The following ABHD12 variants were observed in gnomAD, a reference collection of about 807,000 sequenced individuals.
ABHD12 encodes the protein abhydrolase domain containing 12, lysophospholipase, also known as lysophosphatidylserine lipase ABHD12.
ABHD12 carries 43 observed loss-of-function variants against 58.3 expected under a neutral mutation model. The observed-to-expected ratio is 0.74, with a 90% CI of 0.58 to 0.95. The LOEUF is 0.95. ABHD12 is among the 40% of genes least tolerant of loss of function. ABHD12 has a pLI of 0.00. For synonymous variants in ABHD12, 219 were observed against 211.2 expected, an observed-to-expected ratio of 1.04 and a Z score of -0.32; for missense variants, 539 against 537.2, an observed-to-expected ratio of 1.00 and a Z score of -0.03.
In ABHD12 at chr20:25,339,365, G is replaced by A; in HGVS notation, c.192-14C>T. 3 of 1,614,022 alleles carry A rather than the reference G, an allele frequency of 1.9e-6. No homozygotes were observed. The highest frequency in any genetic ancestry group is 1.7e-6 in the Non-Finnish European group (2 of 1,179,974). ...ACGCCCTTTCGCCTGCAAGAGAAAA[G>A]CAATGAATAGGTCAGAAGGCAGTAG... is the stretch of plus-strand genomic sequence containing the variant. On this transcript the variant is annotated splice_polypyrimidine_tract_variant and intron_variant, in intron 1 of 12. Coordinates refer to ENST00000339157, the MANE Select transcript of ABHD12 (RefSeq NM_001042472.3).
downstream of ABHD12, chr20:25,296,325 C>T (rs941913000): frequency 1.2e-6 from 2 of 1,610,096 alleles, no homozygotes; most frequent in Admixed American, 1.7e-5. Context: ...TTAGCAGCCC[C>T]AAGCCCTGTG....
At chr20:25,375,223 A>G (rs1315978907) in intron 1 of ABHD12, among the ~76,000 whole-genome samples, 2 of 152,222 alleles carry the variant, frequency 1.3e-5, no homozygotes, top group Non-Finnish European at 2.9e-5. Flanking sequence ...GGCCTCTGGA[A>G]TCGAGAGAAA....
At chr20:25,366,654 G>A (rs55811293) in intron 1 of ABHD12, among the ~76,000 whole-genome samples, 6,084 of 152,170 alleles carry the variant, frequency 0.04, 202 homozygotes, top group Non-Finnish European at 0.06. Flanking sequence ...TTTCACTCCT[G>A]TTTTCTTCTA....
chr20:25,326,397 T>TG (rs2089178330), intron 2 of ABHD12, among the ~76,000 whole-genome samples: 1 of 152,210 alleles, frequency 6.6e-6, no homozygotes, highest in Admixed American at 6.5e-5. Flanking sequence ...ACAGGGCTCC[T>TG]GACCTGTGGT....
At chr20:25,296,702 T>A (rs200669669), downstream of ABHD12, 67 of 795,818 alleles carry the variant, frequency 8.4e-5, no homozygotes, top group African/African-American at 1.0e-3. Flanking sequence ...AGGAATGTGC[T>A]AGAAGTGCTC....
In ABHD12 at chr20:25,339,341, C is replaced by G. The variant is rs11904930; in HGVS notation, c.202G>C (p.Val68Leu). The G allele has an allele frequency of 1.2e-6, 2 of 1,614,132 alleles. No individual in the cohort carries two copies. The highest frequency in any genetic ancestry group is 1.6e-4 in the Middle Eastern group (1 of 6,062). Residue 68 changes from valine (V) to leucine (L), a missense_variant, in exon 2 of 13, where the codon GTG becomes CTG. Coordinates refer to ENST00000339157, the MANE Select transcript of ABHD12 (RefSeq NM_001042472.3). ...MKRALGRRKG[V>L]WLRLRKILFC... ...AGTATCTTCCTCAGGCGCAACCACA[C>G]GCCCTTTCGCCTGCAAGAGAAAAGC...
In ABHD12 at chr20:25,303,466, G is replaced by A. The variant is rs771327708; in HGVS notation, c.1029+84C>T. 9.5e-6 allele frequency: 15 copies of A among 1,574,058 alleles called. No homozygotes were observed. In the East Asian group the frequency reaches 2.6e-4, roughly 27 times the overall value. On this transcript the variant is annotated intron_variant, in intron 11 of 12. Coordinates refer to ENST00000339157, the MANE Select transcript of ABHD12 (RefSeq NM_001042472.3). ...TGCAGCATGCAGGGGCTGCCTTCCC[G>A]CCTGCCCACTCCCAGCCTGGTCCAC... is the stretch of plus-strand genomic sequence containing the variant.
downstream of ABHD12, chr20:25,297,906 C>T (rs200544904): frequency 7.2e-5 from 11 of 152,324 alleles, no homozygotes; most frequent in Non-Finnish European, 1.5e-5. Context: ...AGGCCATACT[C>T]CCCTAGTTGG....
At chr20:25,344,553 A>G (rs2089494242) in intron 1 of ABHD12, among the ~76,000 whole-genome samples, 1 of 152,234 alleles carries the variant, frequency 6.6e-6, no homozygotes, top group South Asian at 2.1e-4. Flanking sequence ...TTCCATCTTC[A>G]TGGACAGGAA....
At chr20:25,304,750 G>T (rs1378151589) in intron 10 of ABHD12, among the ~76,000 whole-genome samples, 1 of 149,632 alleles carries the variant, frequency 6.7e-6, no homozygotes, top group Non-Finnish European at 1.5e-5. Context: ...TTGTATTTTA[G>T]TAGAGACAGG....
intron 10 of ABHD12, among the ~76,000 whole-genome samples, chr20:25,305,511 A>G (rs569844942): frequency 6.6e-6 from 1 of 151,730 alleles, no homozygotes; most frequent in Admixed American, 6.6e-5. Context: ...TACAGGCACG[A>G]GCCACCACAC....
At chr20:25,319,073 G>A (rs1042042445) in intron 4 of ABHD12, among the ~76,000 whole-genome samples, 1 of 152,200 alleles carries the variant, frequency 6.6e-6, no homozygotes, top group African/African-American at 2.4e-5. Flanking sequence ...ACGGGACCTC[G>A]GCCCTGGCCC....
At chr20:25,318,010 A>G (rs994129313) in intron 4 of ABHD12, among the ~76,000 whole-genome samples, 1 of 152,172 alleles carries the variant, frequency 6.6e-6, no homozygotes, top group African/African-American at 2.4e-5. Context: ...GGAAGCCAAT[A>G]AAGTACAGAA....
At position 25,390,829 on chromosome 20, in the gene ABHD12, C is replaced by T; in HGVS notation, c.-126G>A. 3 of 588,912 alleles carry T rather than the reference C, an allele frequency of 5.1e-6. No homozygotes were observed. The highest frequency in any genetic ancestry group is 7.1e-6 in the Non-Finnish European group (3 of 424,410). The allele number at this position is 588,912 out of a possible 1,614,324, so 36.5% of individuals were successfully genotyped here. On this transcript the variant is annotated 5_prime_UTR_variant, in exon 1 of 13. Transcript: ENST00000339157. ...GCCGCTCCTCACATCCCAGCCCAGG[C>T]CGCTGCGCCGGCTACGAACCAGCGG...
At chr20:25,335,913 T>G (rs1006042584) in intron 2 of ABHD12, among the ~76,000 whole-genome samples, 7 of 151,026 alleles carry the variant, frequency 4.6e-5, no homozygotes, top group African/African-American at 1.5e-4. Context: ...CATATGTAAC[T>G]AACCTGCACA....
intron 2 of ABHD12, among the ~76,000 whole-genome samples, chr20:25,334,612 G>C (rs1226539731): frequency 2.0e-5 from 3 of 151,838 alleles, no homozygotes; most frequent in African/African-American, 2.4e-5. Flanking sequence ...CAGAGATATA[G>C]ATCAATGGAA....
At chr20:25,330,444 A>C (rs1261441555) in intron 2 of ABHD12, among the ~76,000 whole-genome samples, 3 of 152,262 alleles carry the variant, frequency 2.0e-5, no homozygotes, top group African/African-American at 7.2e-5. Context: ...AGGAAGCTCA[A>C]ACTGGGTGGA....
chr20:25,328,042 A>C (rs1600805348), intron 2 of ABHD12, among the ~76,000 whole-genome samples: 2 of 152,100 alleles, frequency 1.3e-5, no homozygotes, highest in Non-Finnish European at 2.9e-5. Context: ...TGTCCTTAAA[A>C]ACTCTGATCC....
chr20:25,317,961 G>A (rs563085155), intron 4 of ABHD12, among the ~76,000 whole-genome samples: 2 of 152,172 alleles, frequency 1.3e-5, no homozygotes, highest in African/African-American at 2.4e-5. Context: ...GTATGGGGGC[G>A]GGAGTGTTGC....
Sources: allele counts gnomAD v4.1 joint callset (sites outside exome capture counted in the v4.1 genomes callset), GRCh38; gene constraint gnomAD v4.1.1; transcripts MANE v1.5; gene names NCBI Gene and HGNC (gene_info 2026-07-23, HGNC 2026-07-21).